LAMA4: variants seen among roughly 807,000 people sequenced by gnomAD.
LAMA4 encodes the protein laminin subunit alpha 4, also known as laminin subunit alpha-4.
LAMA4 carries 127 observed loss-of-function variants against 207.1 expected under a neutral mutation model. The ratio of observed to expected loss-of-function variants is 0.61; its 90% CI spans 0.53 to 0.71. The LOEUF is 0.71. Among genes scored for constraint, LAMA4 ranks in the 30% least tolerant of loss-of-function variants. The pLI is 0.00. For missense variants in LAMA4, 2,093 were observed against 2,246.5 expected, an observed-to-expected ratio of 0.93 and a Z score of 1.38; for synonymous variants, 761 against 816.0, an observed-to-expected ratio of 0.93 and a Z score of 1.15.
intron 31 of LAMA4, among the ~76,000 whole-genome samples, chr6:112,123,088 T>C (rs1203675831): frequency 6.6e-6 from 1 of 152,174 alleles, no homozygotes; most frequent in Non-Finnish European, 1.5e-5. Flanking sequence ...CTTAGATGAT[T>C]GCTGGAAGTT....
intron 5 of LAMA4, among the ~76,000 whole-genome samples, chr6:112,194,036 C>T (rs1036757097): frequency 1.3e-5 from 2 of 152,212 alleles, no homozygotes; most frequent in African/African-American, 2.4e-5. Context: ...CAAAGAGACA[C>T]CCCAAGAGGA....
At chr6:112,129,832 T>C in intron 30 of LAMA4, 44 bp downstream of exon 30, 1 of 1,417,342 alleles carries the variant, frequency 7.1e-7, no homozygotes, top group Non-Finnish European at 9.7e-7. Flanking sequence ...GTCTTGATTT[T>C]ATTTATCAAT....
chr6:112,187,420 CAG>C (rs781822745), intron 8 of LAMA4, 28 bp downstream of exon 8: 22 of 1,613,854 alleles, frequency 1.4e-5, no homozygotes, highest in Non-Finnish European at 1.8e-5. Flanking sequence ...AGGATGAAAA[CAG>C]AGTGGAAAGT....
At chr6:112,161,370 A>G (rs1314834125) in intron 13 of LAMA4, among the ~76,000 whole-genome samples, 2 of 152,248 alleles carry the variant, frequency 1.3e-5, no homozygotes, top group Admixed American at 1.3e-4. Flanking sequence ...AAGGGTTTGT[A>G]GTACAAAGGG....
chr6:112,209,341 C>T (rs572415214), intron 3 of LAMA4, among the ~76,000 whole-genome samples: 5 of 152,254 alleles, frequency 3.3e-5, no homozygotes, highest in South Asian at 2.1e-4. Flanking sequence ...CCTTATGGCT[C>T]GATAGATGCT....
intron 2 of LAMA4, among the ~76,000 whole-genome samples, chr6:112,248,379 G>A (rs1278649589): frequency 2.6e-5 from 4 of 151,708 alleles, no homozygotes; most frequent in African/African-American, 9.7e-5. Context: ...CACGCTTGTA[G>A]TCCCAGCTAC....
At chr6:112,199,492 G>T (rs960079009) in intron 5 of LAMA4, among the ~76,000 whole-genome samples, 7 of 152,134 alleles carry the variant, frequency 4.6e-5, no homozygotes, top group African/African-American at 1.7e-4. Context: ...TAAATCAGGT[G>T]CCTCCTATTC....
intron 5 of LAMA4, 90 bp from the exon 6 acceptor site, chr6:112,191,940 G>A: frequency 9.9e-7 from 1 of 1,010,300 alleles, no homozygotes; most frequent in Non-Finnish European, 1.5e-6. Flanking sequence ...AGATGTAGTG[G>A]ATATTTATTG....
At chr6:112,149,246 C>T (rs868983529) in intron 17 of LAMA4, among the ~76,000 whole-genome samples, 1 of 152,074 alleles carries the variant, frequency 6.6e-6, no homozygotes, top group Admixed American at 6.5e-5. Context: ...CTGCTTCTTA[C>T]TGGCTGTGCC....
At chr6:112,157,117 C>T (rs1554337201) in intron 14 of LAMA4, among the ~76,000 whole-genome samples, 2 of 152,292 alleles carry the variant, frequency 1.3e-5, no homozygotes, top group East Asian at 3.9e-4. Context: ...TAAATACTCA[C>T]TACCTGTTCC....
chr6:112,209,884 G>T (rs184516087), intron 3 of LAMA4, among the ~76,000 whole-genome samples: 2 of 152,282 alleles, frequency 1.3e-5, no homozygotes, highest in East Asian at 3.9e-4. Context: ...GTTGGAGGTG[G>T]GGCCTGGTGG....
At chr6:112,224,405 T>G (rs1413466705) in intron 2 of LAMA4, among the ~76,000 whole-genome samples, 12 of 152,200 alleles carry the variant, frequency 7.9e-5, no homozygotes, top group African/African-American at 2.9e-4. Context: ...GAGTGAGAAC[T>G]TAATCGCACT....
intron 2 of LAMA4, among the ~76,000 whole-genome samples, chr6:112,220,050 A>T (rs959295888): frequency 2.0e-5 from 3 of 152,228 alleles, no homozygotes; most frequent in Non-Finnish European, 4.4e-5. Flanking sequence ...ATGGATAAAA[A>T]ATGTAAAATG....
At chr6:112,208,461 C>G (rs1784190721) in intron 3 of LAMA4, among the ~76,000 whole-genome samples, 1 of 152,150 alleles carries the variant, frequency 6.6e-6, no homozygotes, top group African/African-American at 2.4e-5. Context: ...CCACCCTCAC[C>G]CCTGCCATTT....
At chr6:112,203,469 T>C (rs566223267) in intron 4 of LAMA4, among the ~76,000 whole-genome samples, 1 of 152,346 alleles carries the variant, frequency 6.6e-6, no homozygotes, top group Non-Finnish European at 1.5e-5. Context: ...AATATGAATT[T>C]CTTAAAAAGC....
Position 112,189,221 on chromosome 6 carries a change from A to T in LAMA4, c.719-16T>A, listed in dbSNP as rs1554347749. 1 of 1,584,190 alleles carries T rather than the reference A, an allele frequency of 6.3e-7. No individual in the cohort carries two copies. The highest frequency in any genetic ancestry group is 1.1e-5 in the South Asian group (1 of 90,430). ...CAGTTGCACACTGTGGGAAACAAAA[A>T]CAAGAGACGAGAAATGCACTTCTTA... On this transcript the variant is annotated splice_polypyrimidine_tract_variant and intron_variant, in intron 6 of 38. Coordinates refer to ENST00000230538, the MANE Select transcript of LAMA4 (RefSeq NM_001105206.3).
chr6:112,235,840 G>A (rs1785880022), intron 2 of LAMA4, among the ~76,000 whole-genome samples: 1 of 152,078 alleles, frequency 6.6e-6, no homozygotes, highest in African/African-American at 2.4e-5. Context: ...AGCATATGGG[G>A]CCAAGGCAAA....
At chr6:112,125,797 A>G (rs1022615350) in intron 31 of LAMA4, among the ~76,000 whole-genome samples, 2 of 152,256 alleles carry the variant, frequency 1.3e-5, no homozygotes, top group African/African-American at 4.8e-5. Context: ...CTGAAAGTCT[A>G]TTAATGGTTA....
chr6:112,170,901 A>G (rs926507737), intron 12 of LAMA4, among the ~76,000 whole-genome samples: 1 of 152,330 alleles, frequency 6.6e-6, no homozygotes, highest in Middle Eastern at 3.4e-3. Context: ...AGTAGAAAAG[A>G]AAAAGCGGTT....
Sources: allele counts gnomAD v4.1 joint callset (sites outside exome capture counted in the v4.1 genomes callset), GRCh38; gene constraint gnomAD v4.1.1; transcripts MANE v1.5; gene names NCBI Gene and HGNC (gene_info 2026-07-23, HGNC 2026-07-21).